LRMDA: variants seen among roughly 807,000 people sequenced by gnomAD.
The protein encoded by LRMDA is leucine-rich melanocyte differentiation-associated protein.
In LRMDA, 18 loss-of-function variants were observed where a neutral mutation model predicts 29.8. The ratio of observed to expected loss-of-function variants is 0.60; its 90% confidence interval spans 0.42 to 0.90. The LOEUF is 0.90. LRMDA is among the 40% of genes least tolerant of loss of function. The pLI is 0.00. For synonymous variants in LRMDA, 125 were observed against 109.4 expected (o/e 1.14, Z -0.89); for missense variants, 273 against 273.9 (o/e 1.00, Z 0.02).
At chr10:75,840,509 A>T (rs565459361) in intron 2 of LRMDA, among the ~76,000 whole-genome samples, 20 of 152,186 alleles carry the variant, frequency 1.3e-4, no homozygotes, top group Non-Finnish European at 1.8e-4. Flanking sequence ...AGAGCTTCAC[A>T]TTTAGTGCCA....
At chr10:76,187,976 A>T (rs1851179489) in intron 5 of LRMDA, among the ~76,000 whole-genome samples, 1 of 152,092 alleles carries the variant, frequency 6.6e-6, no homozygotes, top group South Asian at 2.1e-4. Flanking sequence ...AGGAGTGGTT[A>T]ATGGCAATTG....
intron 2 of LRMDA, among the ~76,000 whole-genome samples, chr10:75,712,313 G>A (rs1046529321): frequency 6.6e-6 from 1 of 152,048 alleles, no homozygotes; most frequent in Non-Finnish European, 1.5e-5. Context: ...AAAGCAGGAC[G>A]ATAGGAATCA....
At position 76,382,129 on chromosome 10, in the gene LRMDA, G is replaced by T. The variant is rs140305770; in HGVS notation, c.601+57644G>T. Among the ~76,000 whole-genome samples, 472 of 152,220 alleles carry T rather than the reference G, an allele frequency of 3.1e-3. 4 individuals are homozygous for T. Among genetic ancestry groups the T allele is most frequent in the African/African-American group, 0.011 (442 of 41,532 alleles). On this transcript the variant is annotated intron_variant, in intron 6 of 6. Coordinates refer to ENST00000611255, the MANE Select transcript of LRMDA (RefSeq NM_001305581.2). The stretch of plus-strand genomic sequence containing the variant: ...CTGGGCTAAGATTTTAGTTAATACC[G>T]TACTACTTCTGGGTAGAGACTCTAG...
chr10:76,069,401 A>G (rs773150600), intron 5 of LRMDA, among the ~76,000 whole-genome samples: 3 of 152,186 alleles, frequency 2.0e-5, no homozygotes, highest in Non-Finnish European at 4.4e-5. Flanking sequence ...ACTTCCTTTG[A>G]TGTTAATTTA....
At chr10:76,539,369 G>C (rs1195616197) in intron 6 of LRMDA, among the ~76,000 whole-genome samples, 2 of 152,146 alleles carry the variant, frequency 1.3e-5, no homozygotes, top group Admixed American at 6.6e-5. Context: ...ATGTTCATTA[G>C]GAAAGAAATA....
intron 2 of LRMDA, among the ~76,000 whole-genome samples, chr10:75,655,342 A>G (rs1841655068): frequency 6.6e-6 from 1 of 152,264 alleles, no homozygotes; most frequent in African/African-American, 2.4e-5. Context: ...TAAACAGTGA[A>G]GCACAAAGTT....
chr10:76,297,214 A>C (rs1840422012), intron 5 of LRMDA, among the ~76,000 whole-genome samples: 1 of 152,162 alleles, frequency 6.6e-6, no homozygotes, highest in East Asian at 1.9e-4. Flanking sequence ...CAAAGTTCCC[A>C]CTCACATTGT....
intron 2 of LRMDA, among the ~76,000 whole-genome samples, chr10:75,618,252 G>A (rs1453413714): frequency 6.6e-6 from 1 of 151,562 alleles, no homozygotes; most frequent in Non-Finnish European, 1.5e-5. Context: ...CACTGTAAAA[G>A]TGATGGAAAA....
chr10:75,897,387 G>C (rs1364251550), intron 2 of LRMDA, among the ~76,000 whole-genome samples: 1 of 152,164 alleles, frequency 6.6e-6, no homozygotes, highest in Non-Finnish European at 1.5e-5. Flanking sequence ...TTGCAGAAGT[G>C]GGGAACACAA....
chr10:75,481,494 T>C (rs1336528907), intron 2 of LRMDA, among the ~76,000 whole-genome samples: 2 of 152,166 alleles, frequency 1.3e-5, no homozygotes, highest in Non-Finnish European at 2.9e-5. Flanking sequence ...GGCTTTTCTG[T>C]CCACATAATG....
At chr10:75,578,032 A>G (rs1480771564) in intron 2 of LRMDA, among the ~76,000 whole-genome samples, 1 of 152,026 alleles carries the variant, frequency 6.6e-6, no homozygotes, top group Admixed American at 6.6e-5. Context: ...AGTTTCACAC[A>G]TAACAATATT....
At chr10:75,585,640 CTATT>C (rs571726204) in intron 2 of LRMDA, among the ~76,000 whole-genome samples, 3 of 152,252 alleles carry the variant, frequency 2.0e-5, no homozygotes, top group Non-Finnish European at 4.4e-5. Context: ...ACACTTGGCA[CTATT>C]TATTTATTTA....
At chr10:75,526,590 C>T (rs1212383125) in intron 2 of LRMDA, among the ~76,000 whole-genome samples, 2 of 151,994 alleles carry the variant, frequency 1.3e-5, no homozygotes, top group Non-Finnish European at 2.9e-5. Context: ...TGGTGGCTCA[C>T]ACCTGTAATC....
intron 2 of LRMDA, among the ~76,000 whole-genome samples, chr10:75,750,980 T>G (rs535934130): frequency 3.3e-5 from 5 of 151,576 alleles, no homozygotes; most frequent in Non-Finnish European, 7.4e-5. Flanking sequence ...GGAGGTGGAG[T>G]TTGTAGCCAG....
chr10:76,373,270 C>T (rs1041210472), intron 6 of LRMDA, among the ~76,000 whole-genome samples: 1 of 151,950 alleles, frequency 6.6e-6, no homozygotes, highest in African/African-American at 2.4e-5. Flanking sequence ...GAAATGGGCT[C>T]ATTTTAAGAT....
intron 2 of LRMDA, among the ~76,000 whole-genome samples, chr10:75,692,564 CGTGTGTGTGTGTGTGTGTGTGTGT>C (rs10553888): frequency 2.9e-5 from 4 of 140,266 alleles, no homozygotes; most frequent in Non-Finnish European, 4.7e-5. Flanking sequence ...CATATGTATA[CGTGTGTGTGTGTGTGTGTGTGTGT>C]GTGTGTGTGT....
intron 6 of LRMDA, among the ~76,000 whole-genome samples, chr10:76,505,462 AAATT>A (rs1326021992): frequency 6.6e-6 from 1 of 152,034 alleles, no homozygotes; most frequent in African/African-American, 2.4e-5. Flanking sequence ...CATTTTTTAA[AAATT>A]ATTTTTTAAA....
chr10:75,594,970 T>C (rs1057042768), intron 2 of LRMDA, among the ~76,000 whole-genome samples: 8 of 152,194 alleles, frequency 5.3e-5, no homozygotes, highest in African/African-American at 1.9e-4. Flanking sequence ...TGATTTAGTT[T>C]ATGTAAATTA....
At chr10:75,635,261 C>G (rs1554817223) in intron 2 of LRMDA, among the ~76,000 whole-genome samples, 3 of 152,092 alleles carry the variant, frequency 2.0e-5, no homozygotes, top group Non-Finnish European at 4.4e-5. Flanking sequence ...CCAGCAGTTA[C>G]TATTATTTAA....
Sources: allele counts gnomAD v4.1 joint callset (sites outside exome capture counted in the v4.1 genomes callset), GRCh38; gene constraint gnomAD v4.1.1; transcripts MANE v1.5; gene names NCBI Gene and HGNC (gene_info 2026-07-23, HGNC 2026-07-21).